The following TDRD3 variants were observed in gnomAD, a reference collection of about 807,000 sequenced individuals.
TDRD3 encodes the protein tudor domain containing 3, also known as tudor domain-containing protein 3.
Under a neutral mutation model 86.7 loss-of-function variants are expected in TDRD3, and 45 were observed. The ratio of observed to expected loss-of-function variants is 0.52; its 90% CI spans 0.41 to 0.67. The LOEUF (loss-of-function observed/expected upper bound fraction) is 0.67, where lower values mean the gene tolerates loss of function less well. Ranked by LOEUF, TDRD3 falls within the 30% of genes least tolerant of loss-of-function variation. The pLI, the probability that TDRD3 is intolerant of heterozygous loss-of-function variation, is 0.00. For missense variants in TDRD3, 814 were observed against 889.0 expected (o/e 0.92, Z 1.07); for synonymous variants, 298 against 301.7 (o/e 0.99, Z 0.13).
In TDRD3 at chr13:60,406,614, T is replaced by C. The variant is rs1954240898; in HGVS notation, c.41+9209T>C. Among the ~76,000 whole-genome samples, 3 of 152,180 alleles carry C rather than the reference T, an allele frequency of 2.0e-5. No individual in the cohort carries two copies. In the South Asian group the frequency reaches 6.2e-4, roughly 31 times the overall value. ...GCATTTTTAGAGGAGAATTAGCCTTTAAGGACCTGCTAGTTAGGGGAAAAA... is the reference window on the plus strand; with the variant it reads ...GCATTTTTAGAGGAGAATTAGCCTTCAAGGACCTGCTAGTTAGGGGAAAAA... On this transcript the variant is annotated intron_variant, in intron 1 of 13. Coordinates refer to ENST00000377881, the MANE Select transcript of TDRD3 (RefSeq NM_001146070.2).
intron 7 of TDRD3, among the ~76,000 whole-genome samples, chr13:60,490,057 T>TTG (rs1020024691): frequency 7.4e-5 from 11 of 149,320 alleles, no homozygotes; most frequent in African/African-American, 2.2e-4. Flanking sequence ...TTAGTTTTTT[T>TTG]TTTTTTTTTT....
At chr13:60,429,287 C>T (rs1320327264) in intron 1 of TDRD3, among the ~76,000 whole-genome samples, 1 of 152,066 alleles carries the variant, frequency 6.6e-6, no homozygotes, top group African/African-American at 2.4e-5. Context: ...GATTGTAAGA[C>T]ATATGATTGC....
intron 1 of TDRD3, among the ~76,000 whole-genome samples, chr13:60,404,283 G>A (rs191984718): frequency 1.2e-4 from 18 of 149,080 alleles, no homozygotes; most frequent in East Asian, 7.8e-4. Context: ...CAAATAATTC[G>A]TTTTTGTTGT....
At chr13:60,544,966 A>G (rs965725090) in intron 12 of TDRD3, among the ~76,000 whole-genome samples, 1 of 152,202 alleles carries the variant, frequency 6.6e-6, no homozygotes, top group African/African-American at 2.4e-5. Context: ...GAATGATGGT[A>G]TATTCCTGGT....
intron 7 of TDRD3, among the ~76,000 whole-genome samples, chr13:60,489,949 CTATT>C (rs1956544843): frequency 6.7e-6 from 1 of 150,206 alleles, no homozygotes. Flanking sequence ...TTACAGCTGT[CTATT>C]TATTGGAGCA....
At chr13:60,447,318 C>G (rs944067168) in intron 3 of TDRD3, among the ~76,000 whole-genome samples, 3 of 152,108 alleles carry the variant, frequency 2.0e-5, no homozygotes, top group African/African-American at 4.8e-5. Flanking sequence ...GGTCATTGCC[C>G]TGGATTTAAA....
chr13:60,453,887 A>G (rs182585973), intron 3 of TDRD3, among the ~76,000 whole-genome samples: 30 of 152,298 alleles, frequency 2.0e-4, no homozygotes, highest in African/African-American at 7.0e-4. Context: ...ACAACTTCTT[A>G]ATTCAACTCA....
At chr13:60,420,182 A>T (rs1372253830) in intron 1 of TDRD3, among the ~76,000 whole-genome samples, 1 of 151,274 alleles carries the variant, frequency 6.6e-6, no homozygotes, top group Non-Finnish European at 1.5e-5. Flanking sequence ...TTTTTTACCT[A>T]ACAACAACAA....
intron 12 of TDRD3, among the ~76,000 whole-genome samples, chr13:60,563,039 G>A (rs1206568673): frequency 1.3e-5 from 2 of 151,960 alleles, no homozygotes; most frequent in Non-Finnish European, 2.9e-5. Flanking sequence ...GACCAGCCTG[G>A]ACAACATGAT....
chr13:60,401,498 A>C (rs548564444), intron 1 of TDRD3, among the ~76,000 whole-genome samples: 1 of 152,278 alleles, frequency 6.6e-6, no homozygotes, highest in Admixed American at 6.5e-5. Context: ...GGATGACTGT[A>C]TCTGAAAAAG....
At chr13:60,430,941 G>T (rs955278140) in intron 1 of TDRD3, among the ~76,000 whole-genome samples, 3 of 151,944 alleles carry the variant, frequency 2.0e-5, no homozygotes, top group Non-Finnish European at 2.9e-5. Flanking sequence ...AATACTTTTT[G>T]TAACTATTCT....
At chr13:60,526,333 G>A (rs534580225) in intron 10 of TDRD3, among the ~76,000 whole-genome samples, 1 of 152,012 alleles carries the variant, frequency 6.6e-6, no homozygotes, top group Non-Finnish European at 1.5e-5. Context: ...TGCTAGTGTG[G>A]GCTATGTAAT....
At chr13:60,570,181 T>C (rs2138009523) in intron 13 of TDRD3, among the ~76,000 whole-genome samples, 2 of 152,276 alleles carry the variant, frequency 1.3e-5, no homozygotes, top group South Asian at 4.1e-4. Context: ...AAGCGCTTAA[T>C]AACCAGAATA....
intron 12 of TDRD3, among the ~76,000 whole-genome samples, chr13:60,550,489 T>G (rs763448678): frequency 1.3e-5 from 2 of 152,092 alleles, no homozygotes; most frequent in Non-Finnish European, 2.9e-5. Flanking sequence ...GAAAAAACTT[T>G]AACTTGCATG....
chr13:60,418,284 A>T (rs548378038), intron 1 of TDRD3, among the ~76,000 whole-genome samples: 1 of 152,008 alleles, frequency 6.6e-6, no homozygotes, highest in Non-Finnish European at 1.5e-5. Flanking sequence ...CATTTAAGTT[A>T]GTTAATTATT....
In TDRD3 at chr13:60,563,255, C is replaced by T. The variant is rs1250247720; in HGVS notation, c.2119-4270C>T. Reference sequence around the variant, plus strand: ...TTTAAAAAAAAAAAAAAAGGCAAGGCGATTCATTAAGTAAAAATGAACATA... The same window carrying T: ...TTTAAAAAAAAAAAAAAAGGCAAGGTGATTCATTAAGTAAAAATGAACATA... On this transcript the variant is annotated intron_variant, in intron 12 of 13. Transcript: ENST00000377881. Among the ~76,000 whole-genome samples, 5 of 145,184 alleles carry T rather than the reference C, an allele frequency of 3.4e-5. No individual in the cohort carries two copies. The East Asian group carries it at 8.0e-4, about 23-fold the overall frequency.
At chr13:60,472,571 T>C (rs537468284) in intron 5 of TDRD3, among the ~76,000 whole-genome samples, 2 of 152,292 alleles carry the variant, frequency 1.3e-5, no homozygotes, top group East Asian at 3.9e-4. Flanking sequence ...CTGGTGGGAA[T>C]ATAAAATGGC....
At chr13:60,472,961 A>G (rs1189476127) in intron 5 of TDRD3, among the ~76,000 whole-genome samples, 1 of 152,176 alleles carries the variant, frequency 6.6e-6, no homozygotes, top group African/African-American at 2.4e-5. Context: ...TTTTAATTCT[A>G]CTATCTTGCT....
intron 12 of TDRD3, among the ~76,000 whole-genome samples, chr13:60,542,410 A>T (rs1957837962): frequency 6.6e-6 from 1 of 152,294 alleles, no homozygotes; most frequent in East Asian, 1.9e-4. Context: ...TATTTTAAAA[A>T]TTTTGTACAA....
Sources: gnomAD v4.1 joint callset for allele counts (sites outside exome capture counted in the v4.1 genomes callset) on GRCh38, gnomAD v4.1.1 for gene constraint, MANE v1.5 for transcripts, NCBI Gene and HGNC (gene_info 2026-07-23, HGNC 2026-07-21) for gene names.